The following ACMSD variants were observed in gnomAD, a reference collection of about 807,000 sequenced individuals.
ACMSD encodes aminocarboxymuconate semialdehyde decarboxylase.
ACMSD carries 37 observed loss-of-function variants against 45.9 expected under a neutral mutation model. That is an observed-to-expected ratio of 0.81 (90% CI 0.62 to 1.06). The LOEUF (loss-of-function observed/expected upper bound fraction) is 1.06, where lower values mean the gene tolerates loss of function less well. ACMSD is among the 50% of genes least tolerant of loss of function. The probability of loss-of-function intolerance (pLI) is 0.00; values close to 1 mark genes in which losing one functional copy is unlikely to be tolerated. For synonymous variants in ACMSD, 138 were observed against 148.8 expected, an observed-to-expected ratio of 0.93 and a Z score of 0.53; for missense variants, 434 against 420.9, an observed-to-expected ratio of 1.03 and a Z score of -0.27.
intron 8 of ACMSD, among the ~76,000 whole-genome samples, chr2:134,893,637 TC>T (rs1366744082): frequency 2.6e-5 from 4 of 152,202 alleles, no homozygotes; most frequent in Middle Eastern, 3.4e-3. Context: ...TCCTTAGCCC[TC>T]CTCATAAACC....
At chr2:134,843,179 A>G (rs2000704) in intron 1 of ACMSD, among the ~76,000 whole-genome samples, 6,328 of 152,104 alleles carry the variant, frequency 0.042, 300 homozygotes, top group East Asian at 0.13. Context: ...CCAGGGGAAA[A>G]GAAGGAAAAA....
Position 134,898,402 on chromosome 2 carries a change from T to G in ACMSD, c.911T>G (p.Leu304Arg), listed in dbSNP as rs1690301286. Reference sequence around the variant, plus strand: ...CTAGGTGAGCTGGAACCTGGGAAACTAATAGAGTCCATGGAAGAATTTGAT... The same window carrying G: ...CTAGGTGAGCTGGAACCTGGGAAACGAATAGAGTCCATGGAAGAATTTGAT... ...FPLGELEPGK[L>R]IESMEEFDEE... is the part of the protein sequence containing the mutation. Residue 304 changes from leucine (L) to arginine (R), a missense_variant, in exon 9 of 10, where the codon CTA becomes CGA. Transcript: ENST00000356140. 6.2e-7 allele frequency: 1 copy of G among 1,602,552 alleles called. No homozygotes were observed. The highest frequency in any genetic ancestry group is 1.7e-5 in the Admixed American group (1 of 57,530).
chr2:134,864,877 T>A (rs755760066), intron 5 of ACMSD, among the ~76,000 whole-genome samples: 4 of 152,214 alleles, frequency 2.6e-5, no homozygotes, highest in Admixed American at 6.5e-5. Flanking sequence ...TTCTTCCTCC[T>A]CCACTTTCAA....
At chr2:134,877,908 C>T (rs536011589) in intron 8 of ACMSD, among the ~76,000 whole-genome samples, 1 of 152,252 alleles carries the variant, frequency 6.6e-6, no homozygotes, top group East Asian at 1.9e-4. Context: ...GATTTGAAGG[C>T]ATATTTTAAA....
intron 2 of ACMSD, among the ~76,000 whole-genome samples, chr2:134,847,600 C>A (rs1181198827): frequency 2.0e-5 from 3 of 152,162 alleles, no homozygotes; most frequent in African/African-American, 7.2e-5. Context: ...CTAATGCTAT[C>A]CGTCCCCTAG....
chr2:134,839,830 G>A (rs1686701428), intron 1 of ACMSD, among the ~76,000 whole-genome samples: 1 of 152,078 alleles, frequency 6.6e-6, no homozygotes, highest in East Asian at 1.9e-4. Flanking sequence ...GTTTACACAG[G>A]AACATGCTGT....
intron 2 of ACMSD, among the ~76,000 whole-genome samples, chr2:134,850,136 G>C (rs1332313913): frequency 6.8e-6 from 1 of 147,146 alleles, no homozygotes; most frequent in Non-Finnish European, 1.5e-5. Flanking sequence ...AAATGAAAAA[G>C]ATTGCAAAAC....
intron 1 of ACMSD, among the ~76,000 whole-genome samples, chr2:134,840,390 G>C (rs1246827572): frequency 6.6e-6 from 1 of 151,952 alleles, no homozygotes; most frequent in African/African-American, 2.4e-5. Context: ...TGTGCAGACA[G>C]GATTTTGAGG....
chr2:134,886,246 A>ATTATTATTATTTTTTTTTTTTTTTTT, intron 8 of ACMSD, among the ~76,000 whole-genome samples: 4 of 115,454 alleles, frequency 3.5e-5, no homozygotes, highest in African/African-American at 1.4e-4. Context: ...TATTATTATT[A>ATTATTATTATTTTTTTTTTTTTTTTT]TTTTTTTTTT....
chr2:134,901,807 A>C lies in ACMSD; in HGVS notation c.958A>C (p.Lys320Gln). Reference sequence around the variant, plus strand: ...TTTCTTTTCTTTTCAGAATAAACTCAAAGCCGGCAATGCCCTGGCATTTTT... The same window carrying C: ...TTTCTTTTCTTTTCAGAATAAACTCCAAGCCGGCAATGCCCTGGCATTTTT... ...EFDEETKNKL[K>Q]AGNALAFLGL... The change falls in exon 10 of 10, where the codon AAA becomes CAA. Residue 320 changes from lysine (K) to glutamine (Q), a missense_variant. Coordinates refer to ENST00000356140, the MANE Select transcript of ACMSD (RefSeq NM_138326.3). 1 of 1,601,166 alleles carries C rather than the reference A, an allele frequency of 6.2e-7. No individual in the cohort carries two copies. Among genetic ancestry groups the C allele is most frequent in the Middle Eastern group, 1.7e-4 (1 of 5,974 alleles).
At chr2:134,889,326 C>A (rs146063385) in intron 8 of ACMSD, among the ~76,000 whole-genome samples, 1 of 152,096 alleles carries the variant, frequency 6.6e-6, no homozygotes, top group Non-Finnish European at 1.5e-5. Context: ...TCACTTACAG[C>A]GCCCAGATCT....
chr2:134,876,296 T>A (rs1688727850), intron 8 of ACMSD, among the ~76,000 whole-genome samples: 2 of 152,188 alleles, frequency 1.3e-5, no homozygotes, highest in South Asian at 4.1e-4. Context: ...TACTGTAACT[T>A]TTTTACTTTT....
chr2:134,898,537 G>A lies in ACMSD; in HGVS notation c.948+98G>A, dbSNP rs114833644. 1,721 of 685,886 alleles carry A rather than the reference G, an allele frequency of 2.5e-3. 26 individuals are homozygous for A. In the African/African-American group the frequency reaches 0.029, roughly 12 times the overall value. 42.5% of individuals were successfully genotyped at this position (685,886 alleles called of 1,614,324 possible). ...TTGATATATAAAAACAAAGAACAGAGGAACCATTACACTGAATTCCCTAAA... is the reference window on the plus strand; with the variant it reads ...TTGATATATAAAAACAAAGAACAGAAGAACCATTACACTGAATTCCCTAAA... On this transcript the variant is annotated intron_variant, in intron 9 of 9. Coordinates refer to ENST00000356140, the MANE Select transcript of ACMSD (RefSeq NM_138326.3).
intron 8 of ACMSD, among the ~76,000 whole-genome samples, chr2:134,884,156 T>C (rs985962682): frequency 1.3e-5 from 2 of 152,080 alleles, no homozygotes; most frequent in Non-Finnish European, 2.9e-5. Flanking sequence ...TAATTACAAG[T>C]AGATAATTAA....
rs753551181 is a variant in ACMSD, at chr2:134,898,404, A to T, written c.913A>T (p.Ile305Leu). 6.2e-7 allele frequency: 1 copy of T among 1,602,570 alleles called. No homozygotes were observed. Among genetic ancestry groups the T allele is most frequent in the Admixed American group, 1.7e-5 (1 of 57,538 alleles). The change falls in exon 9 of 10, where the codon ATA (isoleucine) becomes TTA (leucine). Residue 305 changes from isoleucine to leucine, a missense_variant. By Grantham distance (5) the Ile-to-Leu change is conservative (BLOSUM62 2). Coordinates refer to ENST00000356140, the MANE Select transcript of ACMSD (RefSeq NM_138326.3). ...PLGELEPGKL[I>L]ESMEEFDEET... ...AGGTGAGCTGGAACCTGGGAAACTA[A>T]TAGAGTCCATGGAAGAATTTGATGA...
chr2:134,863,772 A>G, intron 5 of ACMSD, 141 bp downstream of exon 5: 1 of 837,510 alleles, frequency 1.2e-6, no homozygotes, highest in Non-Finnish European at 1.9e-6. Context: ...ATGTAGGTAG[A>G]AGGTGTGGAA....
intron 7 of ACMSD, among the ~76,000 whole-genome samples, chr2:134,871,678 GACAGACACACACAC>G (rs1688446808): frequency 2.2e-5 from 3 of 137,636 alleles, no homozygotes; most frequent in Non-Finnish European, 4.6e-5. Flanking sequence ...CCCTTCAACA[GACAGACACACACAC>G]ACACACACAC....
At chr2:134,895,730 G>A (rs552007576) in intron 8 of ACMSD, among the ~76,000 whole-genome samples, 4 of 152,256 alleles carry the variant, frequency 2.6e-5, no homozygotes, top group South Asian at 2.1e-4. Flanking sequence ...GTGTGATGGC[G>A]TGTGCCTGTA....
At chr2:134,891,479 G>A (rs904093007) in intron 8 of ACMSD, among the ~76,000 whole-genome samples, 2 of 151,916 alleles carry the variant, frequency 1.3e-5, no homozygotes, top group Non-Finnish European at 2.9e-5. Context: ...ACAAATATGT[G>A]AAAAAATGTT....
Sources: allele counts gnomAD v4.1 joint callset (sites outside exome capture counted in the v4.1 genomes callset), GRCh38; gene constraint gnomAD v4.1.1; transcripts MANE v1.5; gene names NCBI Gene and HGNC (gene_info 2026-07-23, HGNC 2026-07-21).